Variants in EARS2 observed in about 807,000 individuals in gnomAD.
EARS2 encodes glutamyl-tRNA synthetase 2, mitochondrial, also known as nondiscriminating glutamyl-tRNA synthetase EARS2, mitochondrial.
Under a neutral mutation model 54.1 loss-of-function variants are expected in EARS2, and 50 were observed. The observed-to-expected ratio is 0.92, with a 90% CI of 0.74 to 1.17. EARS2 has a LOEUF of 1.17. Among genes scored for constraint, EARS2 ranks in the 50% most tolerant of loss-of-function variants. The pLI is 0.00. For missense variants in EARS2, 673 were observed against 675.0 expected (o/e 1.00, Z 0.03); for synonymous variants, 298 against 281.0 (o/e 1.06, Z -0.61).
At position 23,521,973 on chromosome 16, in the gene EARS2, G is replaced by T. The variant is rs1965147634; in HGVS notation, c.*2398C>A. On this transcript the variant is annotated 3_prime_UTR_variant, in exon 9 of 9. Coordinates refer to ENST00000449606, the MANE Select transcript of EARS2 (RefSeq NM_001083614.2). Reference sequence around the variant, plus strand: ...TTTTAGTTAACTTTTCAGAACCTCGGTTTCCATATCTGTAACAGAAAAAAA... The same window carrying T: ...TTTTAGTTAACTTTTCAGAACCTCGTTTTCCATATCTGTAACAGAAAAAAA... The T allele has an allele frequency of 2.8e-6, 1 of 363,052 alleles. No individual in the cohort carries two copies. The highest frequency in any genetic ancestry group is 2.1e-5 in the African/African-American group (1 of 46,864). 22.5% of individuals were successfully genotyped at this position (363,052 alleles called of 1,614,324 possible).
intron 1 of EARS2, 39 bp downstream of exon 1, chr16:23,557,165 AG>A: frequency 1.3e-6 from 2 of 1,504,272 alleles, no homozygotes; most frequent in South Asian, 1.3e-5. Flanking sequence ...GAGACGGGAC[AG>A]GGGGCCTCGG....
intron 3 of EARS2, among the ~76,000 whole-genome samples, chr16:23,542,526 G>A (rs1464726280): frequency 1.3e-5 from 2 of 151,178 alleles, no homozygotes; most frequent in Non-Finnish European, 2.9e-5. Flanking sequence ...ACATTGGCCA[G>A]GCTGGTCCTG....
intron 7 of EARS2, among the ~76,000 whole-genome samples, chr16:23,528,521 C>T (rs1447605445): frequency 6.6e-6 from 1 of 152,240 alleles, no homozygotes; most frequent in Non-Finnish European, 1.5e-5. Context: ...GCTTTCCTGA[C>T]TCGAGAGGGA....
At chr16:23,532,864 A>C (rs539719243) in intron 4 of EARS2, 99 bp from the exon 5 acceptor site, 53 of 786,656 alleles carry the variant, frequency 6.7e-5, no homozygotes, top group Non-Finnish European at 9.6e-5. Context: ...TCTGCTGCCC[A>C]GGTTGGAGTG....
At chr16:23,550,435 C>CTTTTTTT (rs34422725) in intron 2 of EARS2, among the ~76,000 whole-genome samples, 5 of 100,616 alleles carry the variant, frequency 5.0e-5, no homozygotes, top group South Asian at 3.5e-4. Context: ...AGCACATGGT[C>CTTTTTTT]TTTTTTTTTT....
At position 23,521,665 on chromosome 16, in the gene EARS2, A is replaced by G; in HGVS notation, c.*2706T>C. 1 of 451,586 alleles carries G rather than the reference A, an allele frequency of 2.2e-6. No individual in the cohort carries two copies. Among genetic ancestry groups the G allele is most frequent in the Admixed American group, 2.4e-5 (1 of 41,894 alleles). 28.0% of individuals were successfully genotyped at this position (451,586 alleles called of 1,614,324 possible). On this transcript the variant is annotated 3_prime_UTR_variant, in exon 9 of 9. Coordinates refer to ENST00000449606, the MANE Select transcript of EARS2 (RefSeq NM_001083614.2). Reference sequence around the variant, plus strand: ...GCCTACCACCTTTGCCTCACAAAGCATTAGGACGTATTTGTCCTTTTGTGA... The same window carrying G: ...GCCTACCACCTTTGCCTCACAAAGCGTTAGGACGTATTTGTCCTTTTGTGA...
chr16:23,546,446 G>A (rs1282876543), intron 2 of EARS2: 1 of 455,914 alleles, frequency 2.2e-6, no homozygotes, highest in Admixed American at 2.4e-5. Flanking sequence ...TGTCAAAGAA[G>A]GAAACAAGTA....
At chr16:23,548,352 T>A (rs1021768037) in intron 2 of EARS2, among the ~76,000 whole-genome samples, 1 of 152,154 alleles carries the variant, frequency 6.6e-6, no homozygotes, top group African/African-American at 2.4e-5. Flanking sequence ...GGTGCCTGAA[T>A]ACCTGCCCTC....
intron 1 of EARS2, among the ~76,000 whole-genome samples, chr16:23,555,551 A>G (rs1300706742): frequency 1.3e-5 from 2 of 152,248 alleles, no homozygotes; most frequent in African/African-American, 2.4e-5. Context: ...TGGCCACGAC[A>G]GAAATTTGGA....
chr16:23,542,323 T>TTTC (rs1965528830), intron 3 of EARS2, among the ~76,000 whole-genome samples: 3 of 125,546 alleles, frequency 2.4e-5, no homozygotes, highest in Admixed American at 1.5e-4. Context: ...TTTCTTTTTT[T>TTTC]TTTTTTTTTT....
At chr16:23,528,081 A>G (rs1318720057) in intron 7 of EARS2, among the ~76,000 whole-genome samples, 1 of 152,154 alleles carries the variant, frequency 6.6e-6, no homozygotes, top group African/African-American at 2.4e-5. Flanking sequence ...GAAGGGCTGG[A>G]AAAGGGAAGG....
chr16:23,525,062 A>T, intron 8 of EARS2, 182 bp downstream of exon 8: 1 of 745,716 alleles, frequency 1.3e-6, no homozygotes, highest in East Asian at 2.6e-5. Context: ...CACTGTACCT[A>T]ACACAATGCT....
Position 23,535,329 on chromosome 16 carries a change from C to G in EARS2, c.517G>C (p.Glu173Gln). ...YDNRCRNMSQ[E>Q]QVAQKLAKDP... ...TTGGCCAGCTTCTGGGCCACCTGCTCCTGGCTCATGTTCCTGCACCGATTG... is the reference window on the plus strand; with the variant it reads ...TTGGCCAGCTTCTGGGCCACCTGCTGCTGGCTCATGTTCCTGCACCGATTG... Residue 173 changes from glutamate to glutamine, a missense_variant, in exon 4 of 9, where the codon GAG becomes CAG. Coordinates refer to ENST00000449606, the MANE Select transcript of EARS2 (RefSeq NM_001083614.2). 6.2e-7 allele frequency: 1 copy of G among 1,600,790 alleles called. No homozygotes were observed. Among genetic ancestry groups the G allele is most frequent in the Non-Finnish European group, 8.5e-7 (1 of 1,179,942 alleles).
intron 2 of EARS2, among the ~76,000 whole-genome samples, chr16:23,548,563 C>A (rs947832732): frequency 2.6e-5 from 4 of 152,126 alleles, no homozygotes; most frequent in African/African-American, 2.4e-5. Context: ...GTCTGTGAGG[C>A]ACCATGTAAT....
At chr16:23,525,750 C>G (rs1965216465) in intron 7 of EARS2, among the ~76,000 whole-genome samples, 1 of 152,150 alleles carries the variant, frequency 6.6e-6, no homozygotes, top group African/African-American at 2.4e-5. Flanking sequence ...AATCCCAGCA[C>G]TTTGGGAGGC....
rs1366435335 is a variant in EARS2, at chr16:23,521,763, T to C, written c.*2608A>G. 2.0e-5 allele frequency: 9 copies of C among 449,526 alleles called. No individual in the cohort carries two copies. The highest frequency in any genetic ancestry group is 4.0e-5 in the Non-Finnish European group (9 of 225,276). The allele number at this position is 449,526 out of a possible 1,614,324, so 27.8% of individuals were successfully genotyped here. A position where few individuals can be genotyped will look rare whatever the true frequency, so the allele number is the denominator to read the frequency against. On this transcript the variant is annotated 3_prime_UTR_variant, in exon 9 of 9. Coordinates refer to ENST00000449606, the MANE Select transcript of EARS2 (RefSeq NM_001083614.2). ...GATATACCAGAATCGACTTAGTATT[T>C]TGACCACTCACTTTGTTAAAAACAC...
At chr16:23,547,503 T>A (rs1356755668) in intron 2 of EARS2, among the ~76,000 whole-genome samples, 1 of 152,162 alleles carries the variant, frequency 6.6e-6, no homozygotes, top group East Asian at 1.9e-4. Flanking sequence ...ATGTGAATTA[T>A]ATGTCATTTT....
At chr16:23,529,992 A>AT in intron 5 of EARS2, 95 bp from the exon 6 acceptor site, 2 of 1,490,082 alleles carry the variant, frequency 1.3e-6, no homozygotes, top group Non-Finnish European at 1.8e-6. Context: ...GAAGAATGAC[A>AT]TATCAGGTCC....
At chr16:23,545,572 C>T (rs936736386) in intron 2 of EARS2, among the ~76,000 whole-genome samples, 12 of 152,154 alleles carry the variant, frequency 7.9e-5, no homozygotes, top group Non-Finnish European at 1.6e-4. Context: ...GTCACCTGGC[C>T]GAGTAGAAGG....
Sources: gnomAD v4.1 joint callset for allele counts (sites outside exome capture counted in the v4.1 genomes callset) on GRCh38, gnomAD v4.1.1 for gene constraint, MANE v1.5 for transcripts, NCBI Gene and HGNC (gene_info 2026-07-23, HGNC 2026-07-21) for gene names.